Variants in PHLDB1 observed in about 807,000 individuals in gnomAD.
The protein encoded by PHLDB1 is pleckstrin homology-like domain family B member 1.
Under a neutral mutation model 139.3 loss-of-function variants are expected in PHLDB1, and 65 were observed. That is an observed-to-expected ratio of 0.47 (90% CI 0.38 to 0.57). PHLDB1 has a LOEUF of 0.57. Among genes scored for constraint, PHLDB1 ranks in the 20% least tolerant of loss-of-function variants. The pLI, the probability that PHLDB1 is intolerant of heterozygous loss-of-function variation, is 0.00. For missense variants in PHLDB1, 1,624 were observed against 1,839.7 expected, an observed-to-expected ratio of 0.88 and a Z score of 2.14; for synonymous variants, 679 against 734.5, an observed-to-expected ratio of 0.92 and a Z score of 1.22.
intron 17 of PHLDB1, chr11:118,647,438 G>A (rs1555130112): frequency 6.5e-6 from 1 of 153,144 alleles, no homozygotes; most frequent in African/African-American, 2.4e-5. Context: ...AAATGGCTGG[G>A]TGCGATGACT....
At chr11:118,629,958 TGCTTATCTGGGTCCTGGG>T in intron 6 of PHLDB1, 1 of 1,259,796 alleles carries the variant, frequency 7.9e-7, no homozygotes, top group Non-Finnish European at 1.0e-6. Flanking sequence ...TCAACCAGGC[TGCTTATCTGGGTCCTGGG>T]GCAGGGGTGG....
Position 118,645,876 on chromosome 11 carries a change from C to A in PHLDB1, c.3507+51C>A. Reference sequence around the variant, plus strand: ...CAGAAGGTGTTGGGGCACAGAGCTACCTACTGCATGTCAAGGGCCTGTGCT... The same window carrying A: ...CAGAAGGTGTTGGGGCACAGAGCTAACTACTGCATGTCAAGGGCCTGTGCT... On this transcript the variant is annotated intron_variant, in intron 17 of 22. Transcript: ENST00000600882. This position sits in a 1 kb window ranked among gnomAD's most constrained non-coding sequence, Gnocchi z 5.1. The A allele has an allele frequency of 8.7e-7, 1 of 1,145,124 alleles. No homozygotes were observed. The highest frequency in any genetic ancestry group is 1.5e-5 in the African/African-American group (1 of 66,134). The allele number at this position is 1,145,124 out of a possible 1,614,324, so 70.9% of individuals were successfully genotyped here.
At position 118,614,589 on chromosome 11, in the gene PHLDB1, A is replaced by G; in HGVS notation, c.91A>G (p.Lys31Glu). The change falls in exon 3 of 23, where the codon AAA becomes GAA. Residue 31 changes from lysine (K) to glutamate (E), a missense_variant. Lys to Glu is a moderately conservative substitution (Grantham distance 56, BLOSUM62 1). Coordinates refer to ENST00000600882, the MANE Select transcript of PHLDB1 (RefSeq NM_001144758.3). The part of the protein sequence containing the change: ...KGPLDLIETG[K>E]GLKVQTDKPH... The stretch of plus-strand genomic sequence containing the variant: ...ACCCTTGGACCTGATCGAGACAGGC[A>G]AAGGGCTGAAAGTGCAAACGGACAA... 6.2e-7 allele frequency: 1 copy of G among 1,614,020 alleles called. No homozygotes were observed. Among genetic ancestry groups the G allele is most frequent in the Non-Finnish European group, 8.5e-7 (1 of 1,179,940 alleles).
intron 3 of PHLDB1, chr11:118,614,917 C>G (rs1941281572): frequency 2.1e-6 from 1 of 474,166 alleles, no homozygotes; most frequent in African/African-American, 2.0e-5. Flanking sequence ...GGAGGAGAGG[C>G]CAGGTGTGGT....
In PHLDB1 at chr11:118,608,569, G is replaced by A. The variant is rs1164078426; in HGVS notation, c.-22+870G>A. Among the ~76,000 whole-genome samples, 8 of 152,142 alleles carry A rather than the reference G, an allele frequency of 5.3e-5. No individual in the cohort carries two copies. The highest frequency in any genetic ancestry group is 1.3e-4 in the Admixed American group (2 of 15,290). ...CGGGGACCCACGGCTCTGGGGCGGG[G>A]CTGCATTCTGGGCCGTTAGCTCAGC... On this transcript the variant is annotated intron_variant, in intron 1 of 22. Coordinates refer to ENST00000600882, the MANE Select transcript of PHLDB1 (RefSeq NM_001144758.3). This position sits in a 1 kb window ranked among gnomAD's most constrained non-coding sequence, Gnocchi z 6.7.
chr11:118,613,193 G>A, intron 1 of PHLDB1: 2 of 677,126 alleles, frequency 3.0e-6, no homozygotes, highest in Non-Finnish European at 3.6e-6. Context: ...TTAGCTGATT[G>A]TGTTGGGTTG....
rs139659217 is a variant in PHLDB1, at chr11:118,621,288, G to C, written c.356-3646G>C. 23 of 152,026 alleles carry C rather than the reference G, an allele frequency of 1.5e-4. No individual in the cohort carries two copies. In the East Asian group the frequency reaches 3.5e-3, roughly 23 times the overall value. 9.4% of individuals were successfully genotyped at this position (152,026 alleles called of 1,614,324 possible). ...GCCCTCTCCATCCAGCTCTCCACTC[G>C]TCTCCTCCATCACTTCCTCTTCCCC... is the stretch of plus-strand genomic sequence containing the variant. On this transcript the variant is annotated intron_variant, in intron 4 of 22. Coordinates refer to ENST00000600882, the MANE Select transcript of PHLDB1 (RefSeq NM_001144758.3).
chr11:118,641,749 T>G (rs990510053), intron 12 of PHLDB1: 1 of 1,289,764 alleles, frequency 7.8e-7, no homozygotes, highest in Non-Finnish European at 1.0e-6. Context: ...CATGCTGCCC[T>G]CCTCCTCGTT....
At chr11:118,655,751 G>T (rs1948959260) in intron 21 of PHLDB1, 61 bp downstream of exon 21, 1 of 1,508,344 alleles carries the variant, frequency 6.6e-7, no homozygotes, top group Non-Finnish European at 9.2e-7. Flanking sequence ...GGGGTGGCCT[G>T]GTGGGGCTCT....
chr11:118,651,785 CA>C (rs57871676), intron 20 of PHLDB1: 47,199 of 118,218 alleles, frequency 0.4, 7,425 homozygotes, highest in East Asian at 0.5. Context: ...GACGCCGTCT[CA>C]AAAAAAAAAA....
chr11:118,650,127 G>A lies in PHLDB1; in HGVS notation c.3705G>A (p.Leu1235=). The A allele has an allele frequency of 1.2e-6, 2 of 1,614,214 alleles. No homozygotes were observed. Among genetic ancestry groups the A allele is most frequent in the Non-Finnish European group, 1.7e-6 (2 of 1,180,024 alleles). The change falls in exon 19 of 23, where the codon CTG becomes CTA. Residue 1235 remains leucine, a synonymous_variant. Transcript: ENST00000600882. The surrounding 1 kb of genome is among the most constrained non-coding windows in gnomAD (Gnocchi z 4.7). The part of the protein sequence containing the change: ...YLPIRKEDFD[L]KTHIESSGHG... ...CAATCCGGAAGGAGGACTTTGACCTGAAGACACATATTGAGTCATCGGGCC... is the reference window on the plus strand; with the variant it reads ...CAATCCGGAAGGAGGACTTTGACCTAAAGACACATATTGAGTCATCGGGCC...
chr11:118,616,256 C>T (rs782766808), intron 4 of PHLDB1, 45 bp downstream of exon 4: 209 of 1,572,768 alleles, frequency 1.3e-4, no homozygotes, highest in Middle Eastern at 1.7e-4. Flanking sequence ...TGTTTAAAGG[C>T]TTGTGTGTAT....
Position 118,632,156 on chromosome 11 carries a change from C to G in PHLDB1, c.2242-3C>G. 6.2e-7 allele frequency: 1 copy of G among 1,614,046 alleles called. No individual in the cohort carries two copies. The highest frequency in any genetic ancestry group is 2.2e-5 in the East Asian group (1 of 44,888). On this transcript the variant is annotated splice_region_variant and splice_polypyrimidine_tract_variant and intron_variant, in intron 8 of 22. Coordinates refer to ENST00000600882, the MANE Select transcript of PHLDB1 (RefSeq NM_001144758.3). The surrounding 1 kb of genome is among the most constrained non-coding windows in gnomAD (Gnocchi z 5.9). ...TGATGGGGACCCTGGTGTCTGCCCC[C>G]AGGCCGAAATGGAGCGGGCACTGCT... is the stretch of plus-strand genomic sequence containing the variant.
At chr11:118,655,281 T>C (rs1192567473) in intron 20 of PHLDB1, 2 of 207,120 alleles carry the variant, frequency 9.7e-6, no homozygotes, top group African/African-American at 2.3e-5. Flanking sequence ...TACCAATTTA[T>C]ACTCCCACAT....
intron 20 of PHLDB1, chr11:118,655,356 T>G: frequency 2.7e-6 from 1 of 375,654 alleles, no homozygotes. Context: ...TTGTATGTTT[T>G]TGTCATTGGG....
chr11:118,639,158 G>A lies in PHLDB1; in HGVS notation c.2647-4G>A, dbSNP rs782156094. 1.9e-5 allele frequency: 31 copies of A among 1,613,666 alleles called. No homozygotes were observed. The highest frequency in any genetic ancestry group is 2.6e-5 in the Non-Finnish European group (31 of 1,179,682). On this transcript the variant is annotated splice_polypyrimidine_tract_variant and splice_region_variant and intron_variant, in intron 11 of 22. Coordinates refer to ENST00000600882, the MANE Select transcript of PHLDB1 (RefSeq NM_001144758.3). ...TCTTTGACTCTGCCATTCTGGGCTC[G>A]CAGGAGAAGGAGAAGCTGACTGTGC...
intron 20 of PHLDB1, chr11:118,654,063 C>A: frequency 6.6e-6 from 1 of 152,220 alleles, no homozygotes; most frequent in East Asian, 1.9e-4. Flanking sequence ...GTTGCCTTTA[C>A]CAAGCTGCAG....
At position 118,639,209 on chromosome 11, in the gene PHLDB1, AG is replaced by A; in HGVS notation, c.2699del (p.Gly900AlafsTer22). The A allele has an allele frequency of 1.2e-6, 2 of 1,614,120 alleles. No individual in the cohort carries two copies. Among genetic ancestry groups the A allele is most frequent in the African/African-American group, 1.3e-5 (1 of 75,044 alleles). On this transcript the variant is annotated frameshift_variant, in exon 12 of 23. Transcript: ENST00000600882. LOFTEE classifies it high-confidence loss of function. Reference sequence around the variant, plus strand: ...TGGAAAGGAGATACCACTCACTCACAGGGGGCAGGCCTTTCCCGAAGACCAC... The same window carrying A: ...TGGAAAGGAGATACCACTCACTCACAGGGGCAGGCCTTTCCCGAAGACCAC... Reference protein sequence around the residue: ...VLERRYHSLTGGRPFPKTTST... With the variant: ...VLERRYHSLTXGRPFPKTTST...
At position 118,627,807 on chromosome 11, in the gene PHLDB1, G is replaced by C. The variant is rs1167116364; in HGVS notation, c.984G>C (p.Arg328=). The change falls in exon 6 of 23, where the codon CGG becomes CGC. Residue 328 remains arginine, a synonymous_variant. Transcript: ENST00000600882. ...GHERPPSPGL[R]GLLTDSPAAT... is the part of the protein sequence containing the mutation. Reference sequence around the variant, plus strand: ...AGAGGCCTCCCAGCCCTGGCCTCCGGGGTCTGCTGACAGACAGCCCTGCAG... The same window carrying C: ...AGAGGCCTCCCAGCCCTGGCCTCCGCGGTCTGCTGACAGACAGCCCTGCAG... The C allele has an allele frequency of 6.2e-7, 1 of 1,604,676 alleles. No individual in the cohort carries two copies. Among genetic ancestry groups the C allele is most frequent in the Non-Finnish European group, 8.5e-7 (1 of 1,179,496 alleles).
Sources: allele counts gnomAD v4.1 joint callset (sites outside exome capture counted in the v4.1 genomes callset), GRCh38; gene constraint gnomAD v4.1.1; non-coding constraint Gnocchi (gnomAD v3.1); transcripts MANE v1.5; gene names NCBI Gene and HGNC (gene_info 2026-07-23, HGNC 2026-07-21).